Variants in PAPPA observed in about 807,000 individuals in gnomAD.
PAPPA encodes pappalysin-1.
In PAPPA, 60 loss-of-function variants were observed where a neutral mutation model predicts 164.0. The ratio of observed to expected loss-of-function variants is 0.37; its 90% confidence interval spans 0.30 to 0.45. The LOEUF is 0.45. PAPPA is among the 20% of genes least tolerant of loss of function. The pLI, the probability that PAPPA is intolerant of heterozygous loss-of-function variation, is 1.00. For synonymous variants in PAPPA, 875 were observed against 814.1 expected, an observed-to-expected ratio of 1.07 and a Z score of -1.27; for missense variants, 1,782 against 2,087.3, an observed-to-expected ratio of 0.85 and a Z score of 2.85.
In PAPPA at chr9:116,271,305, C is replaced by T. The variant is rs1395664316; in HGVS notation, c.2862-20C>T. ...TTTAAGACTAAATTGGCAAATTTCT[C>T]TTCCATATCTGCTCTGCAGAGACCA... On this transcript the variant is annotated intron_variant, in intron 8 of 21. Coordinates refer to ENST00000328252, the MANE Select transcript of PAPPA (RefSeq NM_002581.5). This position sits in a 1 kb window ranked among gnomAD's most constrained non-coding sequence, Gnocchi z 4.2. The T allele has an allele frequency of 8.1e-6, 13 of 1,596,160 alleles. No homozygotes were observed. The highest frequency in any genetic ancestry group is 1.1e-5 in the Non-Finnish European group (13 of 1,164,038).
At chr9:116,179,734 G>T (rs1203563020) in intron 1 of PAPPA, among the ~76,000 whole-genome samples, 1 of 152,134 alleles carries the variant, frequency 6.6e-6, no homozygotes, top group Non-Finnish European at 1.5e-5. Context: ...GGGACCATGG[G>T]TATACTTAAC....
At chr9:116,326,179 G>A (rs1309271867) in intron 10 of PAPPA, among the ~76,000 whole-genome samples, 1 of 152,130 alleles carries the variant, frequency 6.6e-6, no homozygotes, top group Admixed American at 6.5e-5. Flanking sequence ...AACCTGAGAG[G>A]ACCTAAGTGA....
chr9:116,229,057 T>A (rs550181965), intron 6 of PAPPA, among the ~76,000 whole-genome samples: 1 of 152,160 alleles, frequency 6.6e-6, no homozygotes, highest in Admixed American at 6.5e-5. Context: ...AAATGGCCAA[T>A]TACCATTCAA....
intron 20 of PAPPA, among the ~76,000 whole-genome samples, chr9:116,378,168 A>G (rs761173665): frequency 4.6e-5 from 7 of 152,138 alleles, no homozygotes; most frequent in Admixed American, 2.6e-4. Flanking sequence ...AGACCTAACC[A>G]TTGAGCTGAA....
rs1381861291 is a variant in PAPPA, at chr9:116,211,603, C to A, written c.1625-36C>A. Reference sequence around the variant, plus strand: ...GGTTCTTGCACCAAGAAGCAGAGTACCTAGTTTGCCTGATTCTCTGGATTT... The same window carrying A: ...GGTTCTTGCACCAAGAAGCAGAGTAACTAGTTTGCCTGATTCTCTGGATTT... On this transcript the variant is annotated intron_variant, in intron 3 of 21. Coordinates refer to ENST00000328252, the MANE Select transcript of PAPPA (RefSeq NM_002581.5). 3.1e-6 allele frequency: 5 copies of A among 1,590,918 alleles called. No homozygotes were observed. The South Asian group carries it at 5.6e-5, about 18-fold the overall frequency.
At chr9:116,275,389 C>A (rs975750802) in intron 9 of PAPPA, among the ~76,000 whole-genome samples, 2 of 152,194 alleles carry the variant, frequency 1.3e-5, no homozygotes, top group Non-Finnish European at 2.9e-5. Flanking sequence ...GTGATAGGTT[C>A]TTCATACGCA....
At chr9:116,268,979 C>T (rs535562349) in intron 8 of PAPPA, among the ~76,000 whole-genome samples, 9 of 152,192 alleles carry the variant, frequency 5.9e-5, no homozygotes, top group African/African-American at 2.2e-4. Context: ...TGGATAGACT[C>T]AGCACTCAGT....
chr9:116,345,780 T>C (rs1488038497), intron 14 of PAPPA, among the ~76,000 whole-genome samples: 1 of 152,118 alleles, frequency 6.6e-6, no homozygotes, highest in Non-Finnish European at 1.5e-5. Context: ...TAGTGAATGA[T>C]TTGGAGTGAT....
chr9:116,162,709 G>A (rs1243259482), intron 1 of PAPPA, among the ~76,000 whole-genome samples: 2 of 152,096 alleles, frequency 1.3e-5, no homozygotes, highest in East Asian at 1.9e-4. Flanking sequence ...TAGACCATGC[G>A]GTAACCCAGC....
At chr9:116,297,011 T>C (rs1197492027) in intron 9 of PAPPA, among the ~76,000 whole-genome samples, 2 of 152,014 alleles carry the variant, frequency 1.3e-5, no homozygotes, top group Non-Finnish European at 2.9e-5. Flanking sequence ...TACACCACCA[T>C]GCCTGGCTAA....
chr9:116,286,397 A>G (rs1363041444), intron 9 of PAPPA: 1 of 152,262 alleles, frequency 6.6e-6, no homozygotes, highest in Non-Finnish European at 1.5e-5. Context: ...GTAGCTGGAA[A>G]GAACTGCAGG....
At chr9:116,296,261 G>A (rs1230514974) in intron 9 of PAPPA, among the ~76,000 whole-genome samples, 2 of 152,204 alleles carry the variant, frequency 1.3e-5, no homozygotes, top group Non-Finnish European at 2.9e-5. Context: ...CTGGTTTGTA[G>A]TACTATCATG....
chr9:116,235,428 C>A lies in PAPPA; in HGVS notation c.2523C>A (p.Ile841=). 1.2e-6 allele frequency: 2 copies of A among 1,613,842 alleles called. No homozygotes were observed. ...TCTTCTGTGATGTCCCACTGACCAT[C>A]AGACTCTGGGACGTGGGCGAGGAGG... ...QNVFCDVPLT[I]RLWDVGEEVY... Residue 841 remains isoleucine, a synonymous_variant, in exon 7 of 22, where the codon ATC becomes ATA. Transcript: ENST00000328252.
intron 21 of PAPPA, among the ~76,000 whole-genome samples, chr9:116,392,727 T>C (rs1394731636): frequency 1.3e-5 from 2 of 152,166 alleles, no homozygotes; most frequent in Admixed American, 1.3e-4. Context: ...ATGTGTCTCC[T>C]CTACATTGGG....
intron 2 of PAPPA, among the ~76,000 whole-genome samples, chr9:116,199,100 C>T (rs574526730): frequency 1.3e-5 from 2 of 152,286 alleles, no homozygotes; most frequent in South Asian, 2.1e-4. Context: ...GTCTAAGAAC[C>T]TTGCCACTGG....
At chr9:116,362,005 C>T (rs894046352) in intron 17 of PAPPA, among the ~76,000 whole-genome samples, 2 of 151,720 alleles carry the variant, frequency 1.3e-5, no homozygotes, top group Non-Finnish European at 2.9e-5. Flanking sequence ...CCTCTTCATG[C>T]CATTATTGTT....
Position 116,235,490 on chromosome 9 carries a change from T to C in PAPPA, c.2585T>C (p.Leu862Pro). 6.2e-7 allele frequency: 1 copy of C among 1,613,572 alleles called. No individual in the cohort carries two copies. Among genetic ancestry groups the C allele is most frequent in the Non-Finnish European group, 8.5e-7 (1 of 1,179,908 alleles). Residue 862 changes from leucine (L) to proline (P), a missense_variant, in exon 7 of 22, where the codon CTG (leucine) becomes CCG (proline). Physicochemically the swap from Leu to Pro is moderately conservative, Grantham distance 98. This residue lies in a region of PAPPA where 1,324 missense variants were observed against 1,656.9 expected (regional missense o/e 0.80). Coordinates refer to ENST00000328252, the MANE Select transcript of PAPPA (RefSeq NM_002581.5). The stretch of plus-strand genomic sequence containing the variant: ...CAAATCTACACGCTGGATGAGCACC[T>C]GGAGATCGATGCTGCCATGTTGACC... ...GIQIYTLDEH[L>P]EIDAAMLTST... is the part of the protein sequence containing the mutation.
chr9:116,352,556 C>T, intron 15 of PAPPA, 150 bp from the exon 16 acceptor site: 2 of 701,404 alleles, frequency 2.9e-6, no homozygotes, highest in Non-Finnish European at 5.1e-6. Context: ...CTTGATTTCC[C>T]TAGGCTCCTC....
At chr9:116,375,347 GC>G (rs1307219439) in intron 19 of PAPPA, among the ~76,000 whole-genome samples, 1 of 152,168 alleles carries the variant, frequency 6.6e-6, no homozygotes, top group East Asian at 1.9e-4. Context: ...ATCAAGTTAA[GC>G]TCTTTCTCCA....
Sources: gnomAD v4.1 joint callset for allele counts (sites outside exome capture counted in the v4.1 genomes callset) on GRCh38, gnomAD v4.1.1 for gene constraint, gnomAD v4.1.1 regional missense constraint, Gnocchi (gnomAD v3.1) non-coding constraint, MANE v1.5 for transcripts, NCBI Gene and HGNC (gene_info 2026-07-23, HGNC 2026-07-21) for gene names.